PRKN: variants seen among roughly 807,000 people sequenced by gnomAD.
The protein encoded by PRKN is E3 ubiquitin-protein ligase parkin.
A neutral mutation model predicts 59.5 loss-of-function variants in PRKN; 56 were observed. The observed-to-expected ratio is 0.94, with a 90% CI of 0.76 to 1.18. The LOEUF (loss-of-function observed/expected upper bound fraction) is 1.18. Ranked by LOEUF, PRKN falls within the 50% of genes most tolerant of loss-of-function variation. The pLI is 0.00. For missense variants in PRKN, 657 were observed against 596.4 expected, an observed-to-expected ratio of 1.10 and a Z score of -1.06; for synonymous variants, 250 against 222.1, an observed-to-expected ratio of 1.13 and a Z score of -1.12.
intron 2 of PRKN, among the ~76,000 whole-genome samples, chr6:162,301,783 CGGG>C (rs369993772): frequency 9.2e-5 from 2 of 21,800 alleles, no homozygotes; most frequent in Non-Finnish European, 1.7e-4. Flanking sequence ...TTGGCCGGGG[CGGG>C]GGGGGGGTGC....
At chr6:161,673,515 A>G (rs1784982575) in intron 7 of PRKN, among the ~76,000 whole-genome samples, 1 of 152,216 alleles carries the variant, frequency 6.6e-6, no homozygotes, top group Non-Finnish European at 1.5e-5. Flanking sequence ...CCAGGCACCC[A>G]TTTTAACTAC....
chr6:161,716,613 A>AG (rs1207762854), intron 7 of PRKN, among the ~76,000 whole-genome samples: 2 of 152,088 alleles, frequency 1.3e-5, no homozygotes, highest in Admixed American at 6.5e-5. Flanking sequence ...GTGTCTCAAG[A>AG]GGGGGGGAAA....
At chr6:162,505,825 A>G (rs758376282) in intron 1 of PRKN, among the ~76,000 whole-genome samples, 1 of 152,208 alleles carries the variant, frequency 6.6e-6, no homozygotes, top group Non-Finnish European at 1.5e-5. Context: ...TGATAAGTAT[A>G]GAGGTGTCTG....
At chr6:162,044,445 G>C (rs894490487) in intron 5 of PRKN, among the ~76,000 whole-genome samples, 57 of 152,192 alleles carry the variant, frequency 3.7e-4, no homozygotes, top group African/African-American at 1.4e-3. Flanking sequence ...ATCAAGTCTA[G>C]CTCAGCCTCT....
intron 4 of PRKN, among the ~76,000 whole-genome samples, chr6:162,106,335 T>C (rs554387406): frequency 2.0e-5 from 3 of 151,224 alleles, no homozygotes; most frequent in South Asian, 4.2e-4. Flanking sequence ...AAGAACTAAG[T>C]GGAGAAACAC....
intron 7 of PRKN, among the ~76,000 whole-genome samples, chr6:161,773,658 G>GT (rs1283570782): frequency 3.3e-5 from 5 of 152,152 alleles, no homozygotes; most frequent in Non-Finnish European, 5.9e-5. Flanking sequence ...GCTAAAAATT[G>GT]TTTGTGTTTG....
chr6:162,148,764 T>A (rs1446350667), intron 4 of PRKN, among the ~76,000 whole-genome samples: 1 of 152,150 alleles, frequency 6.6e-6, no homozygotes, highest in Non-Finnish European at 1.5e-5. Context: ...AATTCTGAGA[T>A]GGGCCAGCAG....
intron 5 of PRKN, among the ~76,000 whole-genome samples, chr6:162,009,419 C>T (rs1293328550): frequency 2.0e-5 from 3 of 151,838 alleles, no homozygotes; most frequent in Non-Finnish European, 4.4e-5. Flanking sequence ...GAAACACCTA[C>T]ATGACAATTT....
intron 2 of PRKN, among the ~76,000 whole-genome samples, chr6:162,320,298 G>A (rs1225519664): frequency 7.7e-6 from 1 of 130,616 alleles, no homozygotes; most frequent in Non-Finnish European, 1.6e-5. Flanking sequence ...TTGATGTAAT[G>A]ATTTTTCCTT....
chr6:162,061,353 C>G (rs1778096838), intron 4 of PRKN, among the ~76,000 whole-genome samples: 1 of 152,140 alleles, frequency 6.6e-6, no homozygotes, highest in Non-Finnish European at 1.5e-5. Flanking sequence ...AGTATTATTT[C>G]TTATTTCTCA....
intron 2 of PRKN, among the ~76,000 whole-genome samples, chr6:162,399,557 G>A (rs1421146818): frequency 6.6e-6 from 1 of 152,074 alleles, no homozygotes; most frequent in Non-Finnish European, 1.5e-5. Context: ...ATGCATGTAT[G>A]CATGCATGCA....
At chr6:161,771,349 C>T (rs1789668989) in intron 7 of PRKN, among the ~76,000 whole-genome samples, 1 of 107,192 alleles carries the variant, frequency 9.3e-6, no homozygotes, top group Non-Finnish European at 1.9e-5. Flanking sequence ...GAACAAGACT[C>T]CACCTCAAAA....
At chr6:162,712,743 T>G (rs191369472) in intron 1 of PRKN, among the ~76,000 whole-genome samples, 8 of 152,350 alleles carry the variant, frequency 5.3e-5, no homozygotes, top group African/African-American at 1.9e-4. Flanking sequence ...CCATACTTAA[T>G]GTCCAAACAT....
At chr6:161,696,745 T>C (rs913023704) in intron 7 of PRKN, among the ~76,000 whole-genome samples, 2 of 152,176 alleles carry the variant, frequency 1.3e-5, no homozygotes, top group Non-Finnish European at 1.5e-5. Flanking sequence ...AGAAGCACCA[T>C]AGATAGGAAT....
chr6:162,189,237 C>G (rs1464585796), intron 4 of PRKN, among the ~76,000 whole-genome samples: 1 of 150,796 alleles, frequency 6.6e-6, no homozygotes, highest in Admixed American at 6.6e-5. Context: ...AAGTTGATTC[C>G]TATTCTAATT....
chr6:162,656,553 T>C (rs1388510583), intron 1 of PRKN, among the ~76,000 whole-genome samples: 6 of 152,210 alleles, frequency 3.9e-5, no homozygotes, highest in Non-Finnish European at 8.8e-5. Context: ...TTTCTAGGCA[T>C]TGAATCTATC....
rs923905300 is a variant in PRKN, at chr6:161,533,288, G to T, written c.1083+15566C>A. On this transcript the variant is annotated intron_variant, in intron 9 of 11. Coordinates refer to ENST00000366898, the MANE Select transcript of PRKN (RefSeq NM_004562.3). The surrounding 1 kb of genome is among the most constrained non-coding windows in gnomAD (Gnocchi z 4.1). Reference sequence around the variant, plus strand: ...TAAAGAAATTACTTGGGCAGTGAGGGTATGGAAGTCCTCAGTAAGGTTTTC... The same window carrying T: ...TAAAGAAATTACTTGGGCAGTGAGGTTATGGAAGTCCTCAGTAAGGTTTTC... 2.0e-5 allele frequency among the ~76,000 whole-genome samples: 3 copies of T among 152,138 alleles called. No individual in the cohort carries two copies. The highest frequency in any genetic ancestry group is 4.4e-5 in the Non-Finnish European group (3 of 68,024).
intron 6 of PRKN, among the ~76,000 whole-genome samples, chr6:161,856,538 GT>G (rs536259457): frequency 6.6e-4 from 100 of 152,042 alleles, no homozygotes; most frequent in African/African-American, 2.3e-3. Flanking sequence ...TACATATACT[GT>G]TTTTTTAGTA....
intron 2 of PRKN, among the ~76,000 whole-genome samples, chr6:162,272,213 A>G (rs1202513138): frequency 6.6e-6 from 1 of 152,158 alleles, no homozygotes; most frequent in African/African-American, 2.4e-5. Flanking sequence ...CTGTTTGAGC[A>G]TGTAGGGTCG....
Sources: gnomAD v4.1 joint callset for allele counts (sites outside exome capture counted in the v4.1 genomes callset) on GRCh38, gnomAD v4.1.1 for gene constraint, Gnocchi (gnomAD v3.1) non-coding constraint, MANE v1.5 for transcripts, NCBI Gene and HGNC (gene_info 2026-07-23, HGNC 2026-07-21) for gene names.